The following KLHL29 variants were observed in gnomAD, a reference collection of about 807,000 sequenced individuals.
KLHL29 encodes the protein kelch like family member 29.
In KLHL29, 21 loss-of-function variants were observed where a neutral mutation model predicts 80.4. That is an observed-to-expected ratio of 0.26 (90% confidence interval 0.19 to 0.38). The LOEUF (loss-of-function observed/expected upper bound fraction) is 0.38, where lower values mean the gene tolerates loss of function less well. Ranked by LOEUF, KLHL29 falls within the 10% of genes least tolerant of loss-of-function variation. The pLI is 1.00. For missense variants in KLHL29, 867 were observed against 1,223.9 expected, an observed-to-expected ratio of 0.71 and a Z score of 4.35; for synonymous variants, 511 against 526.8, an observed-to-expected ratio of 0.97 and a Z score of 0.41.
At chr2:23,564,318 G>A (rs1370062803) in intron 3 of KLHL29, among the ~76,000 whole-genome samples, 6 of 152,216 alleles carry the variant, frequency 3.9e-5, no homozygotes, top group Non-Finnish European at 8.8e-5. Context: ...CCACATGAGA[G>A]GAAGGGAACC....
At chr2:23,468,440 T>C (rs1038517804) in intron 1 of KLHL29, among the ~76,000 whole-genome samples, 7 of 152,190 alleles carry the variant, frequency 4.6e-5, no homozygotes, top group Admixed American at 1.3e-4. Context: ...CGAAGTCTAA[T>C]AGCCCACCTT....
intron 5 of KLHL29, among the ~76,000 whole-genome samples, chr2:23,664,540 A>G (rs1670502389): frequency 6.6e-6 from 1 of 152,252 alleles, no homozygotes; most frequent in African/African-American, 2.4e-5. Flanking sequence ...ATCACCGCAC[A>G]GAACATGTTT....
chr2:23,688,964 G>A (rs1671408485), intron 6 of KLHL29: 1 of 152,198 alleles, frequency 6.6e-6, no homozygotes, highest in Non-Finnish European at 1.5e-5. Context: ...AGAGGCCTAA[G>A]GAGCACTGGG....
At chr2:23,494,569 G>A (rs564360457) in intron 2 of KLHL29, among the ~76,000 whole-genome samples, 6 of 152,208 alleles carry the variant, frequency 3.9e-5, no homozygotes, top group Non-Finnish European at 8.8e-5. Context: ...CATCAGGCAC[G>A]TTTCCAAGAT....
intron 5 of KLHL29, chr2:23,643,289 C>G: frequency 3.1e-6 from 1 of 325,466 alleles, no homozygotes; most frequent in Non-Finnish European, 6.1e-6. Flanking sequence ...TGTACTGTGT[C>G]CTTCCCAGGG....
chr2:23,391,664 A>C (rs1175889390), intron 1 of KLHL29, among the ~76,000 whole-genome samples: 3 of 152,024 alleles, frequency 2.0e-5, no homozygotes, highest in Non-Finnish European at 4.4e-5. Context: ...CGAACTCCCA[A>C]CCTCAGGTAA....
chr2:23,661,259 C>T (rs992261691), intron 5 of KLHL29, among the ~76,000 whole-genome samples: 6 of 150,800 alleles, frequency 4.0e-5, no homozygotes, highest in Non-Finnish European at 7.4e-5. Flanking sequence ...GAAGTATTGC[C>T]TGAGCCGAGG....
chr2:23,642,879 C>T (rs952624359), intron 5 of KLHL29, 29 bp downstream of exon 5: 24 of 1,549,878 alleles, frequency 1.5e-5, no homozygotes, highest in East Asian at 2.4e-5. Context: ...TGCCTCCCCA[C>T]GGGCCTGCGT....
chr2:23,526,206 G>A lies in KLHL29; in HGVS notation c.-45-35946G>A, dbSNP rs796776088. On this transcript the variant is annotated intron_variant, in intron 2 of 13. Transcript: ENST00000486442. Reference sequence around the variant, plus strand: ...GCTGCATGGAGTGTGCAGTCTGGCAGGGGATGCCCACGTGCAGTCGTGGTG... The same window carrying A: ...GCTGCATGGAGTGTGCAGTCTGGCAAGGGATGCCCACGTGCAGTCGTGGTG... Among the ~76,000 whole-genome samples, 9 of 152,304 alleles carry A rather than the reference G, an allele frequency of 5.9e-5. 1 individual carries two copies. Among genetic ancestry groups the A allele is most frequent in the African/African-American group, 1.9e-4 (8 of 41,578 alleles).
chr2:23,387,194 C>T lies in KLHL29; in HGVS notation c.-154+1414C>T, dbSNP rs530468945. 5.0e-4 allele frequency among the ~76,000 whole-genome samples: 76 copies of T among 152,304 alleles called. 1 individual carries two copies. The South Asian group carries it at 0.016, about 32-fold the overall frequency. Reference sequence around the variant, plus strand: ...GCTGGAGGGACCAGACCGTGGAGGACGCCGAGCTGCTGCTGCCTGCGAAAC... The same window carrying T: ...GCTGGAGGGACCAGACCGTGGAGGATGCCGAGCTGCTGCTGCCTGCGAAAC... On this transcript the variant is annotated intron_variant, in intron 1 of 13. Transcript: ENST00000486442.
At chr2:23,469,231 A>AGTAG (rs1420343553) in intron 1 of KLHL29, among the ~76,000 whole-genome samples, 2 of 152,178 alleles carry the variant, frequency 1.3e-5, no homozygotes, top group Admixed American at 1.3e-4. Flanking sequence ...TATAGATGGG[A>AGTAG]GTAGGCGCTG....
chr2:23,522,413 G>A (rs1666133248), intron 2 of KLHL29, among the ~76,000 whole-genome samples: 2 of 152,154 alleles, frequency 1.3e-5, no homozygotes, highest in South Asian at 4.1e-4. Context: ...GCCTCCCAAA[G>A]TGCTGGGATT....
intron 3 of KLHL29, among the ~76,000 whole-genome samples, chr2:23,571,403 T>C (rs541506954): frequency 4.1e-4 from 63 of 152,306 alleles, no homozygotes; most frequent in African/African-American, 1.4e-3. Flanking sequence ...ACGTTCATTT[T>C]CTCTCCTTCT....
chr2:23,615,944 C>A (rs766141087), intron 3 of KLHL29, among the ~76,000 whole-genome samples: 2 of 152,224 alleles, frequency 1.3e-5, no homozygotes, highest in Non-Finnish European at 2.9e-5. Context: ...CTCTGCTTCT[C>A]TTTTGGGAAT....
chr2:23,477,333 A>G (rs912380936), intron 2 of KLHL29, among the ~76,000 whole-genome samples: 5 of 152,228 alleles, frequency 3.3e-5, no homozygotes, highest in South Asian at 2.1e-4. Context: ...TTCTCTTTGG[A>G]CTCAGAGACA....
chr2:23,687,720 G>A (rs1211120346), intron 6 of KLHL29, among the ~76,000 whole-genome samples: 2 of 152,170 alleles, frequency 1.3e-5, no homozygotes, highest in East Asian at 3.9e-4. Context: ...GGCATTGTCC[G>A]GGCAGACAAG....
At chr2:23,605,123 T>TTTC (rs1668673410) in intron 3 of KLHL29, among the ~76,000 whole-genome samples, 1 of 146,780 alleles carries the variant, frequency 6.8e-6, no homozygotes, top group South Asian at 2.2e-4. Flanking sequence ...TTTTTTTTTT[T>TTTC]TTTTTTGGAG....
At chr2:23,656,203 A>C (rs1670239865) in intron 5 of KLHL29, among the ~76,000 whole-genome samples, 1 of 152,222 alleles carries the variant, frequency 6.6e-6, no homozygotes, top group African/African-American at 2.4e-5. Context: ...GCCGGAAAAG[A>C]ATAGTGCCTA....
chr2:23,402,143 G>A (rs1342490616), intron 1 of KLHL29, among the ~76,000 whole-genome samples: 3 of 152,168 alleles, frequency 2.0e-5, no homozygotes, highest in Admixed American at 6.5e-5. Flanking sequence ...GAAGAGCATC[G>A]AGGACCGGCA....
Sources: allele counts gnomAD v4.1 joint callset (sites outside exome capture counted in the v4.1 genomes callset), GRCh38; gene constraint gnomAD v4.1.1; transcripts MANE v1.5; gene names NCBI Gene and HGNC (gene_info 2026-07-23, HGNC 2026-07-21).